The following CFAP299 variants were observed in gnomAD, a reference collection of about 807,000 sequenced individuals.
The protein encoded by CFAP299 is cilia- and flagella-associated protein 299.
In CFAP299, 21 loss-of-function variants were observed where a neutral mutation model predicts 27.0. That is an observed-to-expected ratio of 0.78 (90% CI 0.55 to 1.12). The LOEUF is 1.12. CFAP299 is among the 50% of genes most tolerant of loss of function. CFAP299 has a pLI of 0.00. For missense variants in CFAP299, 310 were observed against 276.6 expected, an observed-to-expected ratio of 1.12 and a Z score of -0.86; for synonymous variants, 104 against 98.1, an observed-to-expected ratio of 1.06 and a Z score of -0.36.
At chr4:80,937,291 C>CTTTTTTCTTTTTTT (rs1736940027) in intron 4 of CFAP299, among the ~76,000 whole-genome samples, 1 of 86,174 alleles carries the variant, frequency 1.2e-5, no homozygotes, top group Admixed American at 1.1e-4. Context: ...TATCATTTTT[C>CTTTTTTCTTTTTTT]TTTTTTCTTT....
intron 2 of CFAP299, among the ~76,000 whole-genome samples, chr4:80,365,176 G>T (rs1219039564): frequency 6.6e-6 from 1 of 151,928 alleles, no homozygotes; most frequent in Non-Finnish European, 1.5e-5. Context: ...TTGAAGAATT[G>T]GCAAACAATG....
chr4:80,701,001 GA>G (rs1721440666), intron 3 of CFAP299, among the ~76,000 whole-genome samples: 1 of 152,028 alleles, frequency 6.6e-6, no homozygotes, highest in African/African-American at 2.4e-5. Context: ...ATTGGTACTA[GA>G]AGAGAAAGCA....
At chr4:80,936,792 A>T (rs1346192232) in intron 4 of CFAP299, among the ~76,000 whole-genome samples, 1 of 152,144 alleles carries the variant, frequency 6.6e-6, no homozygotes, top group Non-Finnish European at 1.5e-5. Flanking sequence ...CTAAAATAAA[A>T]ATAAAAAAAT....
chr4:80,909,591 A>G (rs1735366569), intron 4 of CFAP299, among the ~76,000 whole-genome samples: 2 of 151,894 alleles, frequency 1.3e-5, no homozygotes, highest in South Asian at 4.1e-4. Context: ...TATTTTCTAA[A>G]CTTTCCTTTA....
chr4:80,496,356 C>A (rs1490879150), intron 2 of CFAP299, among the ~76,000 whole-genome samples: 1 of 152,206 alleles, frequency 6.6e-6, no homozygotes, highest in African/African-American at 2.4e-5. Context: ...GGTCATTGTT[C>A]TTAGGTTCAA....
At chr4:80,547,594 C>T (rs188655424) in intron 2 of CFAP299, among the ~76,000 whole-genome samples, 10 of 152,118 alleles carry the variant, frequency 6.6e-5, no homozygotes, top group South Asian at 4.1e-4. Flanking sequence ...AGACAGCCTA[C>T]GGAATGAGAG....
chr4:80,329,208 CATATAT>C, the CFAP299 span, among the ~76,000 whole-genome samples: 2 of 136,040 alleles, frequency 1.5e-5, no homozygotes, highest in African/African-American at 5.7e-5. Context: ...ACACTGTATA[CATATAT>C]ATATATATAT....
intron 2 of CFAP299, among the ~76,000 whole-genome samples, chr4:80,377,511 T>A (rs1372441392): frequency 6.6e-6 from 1 of 152,140 alleles, no homozygotes; most frequent in Non-Finnish European, 1.5e-5. Flanking sequence ...ACATTGCCTT[T>A]AAGTCTTAAA....
chr4:80,418,717 A>AT (rs1161249690), intron 2 of CFAP299, among the ~76,000 whole-genome samples: 2 of 152,180 alleles, frequency 1.3e-5, no homozygotes, highest in African/African-American at 2.4e-5. Context: ...ATTGTTTTAC[A>AT]TATCCCACAG....
chr4:80,355,929 G>A (rs963496751), intron 1 of CFAP299, among the ~76,000 whole-genome samples: 3 of 152,052 alleles, frequency 2.0e-5, no homozygotes, highest in African/African-American at 7.2e-5. Flanking sequence ...TGTCCTGAAT[G>A]GTATTGCCTA....
intron 3 of CFAP299, among the ~76,000 whole-genome samples, chr4:80,611,497 A>G (rs963277362): frequency 2.0e-5 from 3 of 152,046 alleles, no homozygotes; most frequent in African/African-American, 7.2e-5. Context: ...TATTTTTTCT[A>G]AGTTACACTC....
chr4:80,400,131 G>C (rs925637677), intron 2 of CFAP299, among the ~76,000 whole-genome samples: 2 of 152,116 alleles, frequency 1.3e-5, no homozygotes, highest in Non-Finnish European at 2.9e-5. Context: ...TGATATAGAT[G>C]CAATTAGATA....
At chr4:80,910,259 G>C (rs937581403) in intron 4 of CFAP299, among the ~76,000 whole-genome samples, 1 of 152,110 alleles carries the variant, frequency 6.6e-6, no homozygotes, top group East Asian at 1.9e-4. Flanking sequence ...AACCATTGTG[G>C]AAAAGAGTGT....
At chr4:80,359,972 G>C (rs1723461356) in intron 1 of CFAP299, among the ~76,000 whole-genome samples, 1 of 152,136 alleles carries the variant, frequency 6.6e-6, no homozygotes, top group South Asian at 2.1e-4. Flanking sequence ...TTCAATTTTT[G>C]AGGTTTCTGA....
At position 80,924,117 on chromosome 4, in the gene CFAP299, T is replaced by A. The variant is rs1210305312; in HGVS notation, c.477-20693T>A. Among the ~76,000 whole-genome samples, 3 of 152,068 alleles carry A rather than the reference T, an allele frequency of 2.0e-5. No homozygotes were observed. In the East Asian group the frequency reaches 5.8e-4, roughly 29 times the overall value. On this transcript the variant is annotated intron_variant, in intron 4 of 5. Coordinates refer to ENST00000358105, the MANE Select transcript of CFAP299 (RefSeq NM_152770.3). ...CATTTTGCTCTCTACTTTTGAATGT[T>A]TGAAATGTTCCATGAAACATTTTTT...
At position 80,954,039 on chromosome 4, in the gene CFAP299, A is replaced by G. The variant is rs78216168; in HGVS notation, c.606+9100A>G. On this transcript the variant is annotated intron_variant, in intron 5 of 5. Transcript: ENST00000358105. ...AGACACAGTTCACGCTCACTTTCTC[A>G]CAAAATGTATTACCTCAAATCAAGA... Among the ~76,000 whole-genome samples the G allele has an allele frequency of 4.9e-3, 746 of 152,328 alleles. 4 individuals carry two copies. The highest frequency in any genetic ancestry group is 8.0e-3 in the Non-Finnish European group (547 of 68,022).
chr4:80,466,734 A>G (rs528510971), intron 2 of CFAP299, among the ~76,000 whole-genome samples: 2 of 152,290 alleles, frequency 1.3e-5, no homozygotes, highest in African/African-American at 2.4e-5. Context: ...CTTAATCTGC[A>G]CAGGGCATAG....
At chr4:80,712,172 T>A (rs1377353199) in intron 3 of CFAP299, among the ~76,000 whole-genome samples, 1 of 152,134 alleles carries the variant, frequency 6.6e-6, no homozygotes, top group East Asian at 1.9e-4. Context: ...ACTAACAACA[T>A]GCTATGTTAT....
intron 3 of CFAP299, among the ~76,000 whole-genome samples, chr4:80,627,925 A>G (rs563932150): frequency 6.6e-6 from 1 of 152,252 alleles, no homozygotes; most frequent in Admixed American, 6.5e-5. Flanking sequence ...CAAGCTACAG[A>G]TTCAACAGAA....
Sources: gnomAD v4.1 joint callset for allele counts (sites outside exome capture counted in the v4.1 genomes callset) on GRCh38, gnomAD v4.1.1 for gene constraint, MANE v1.5 for transcripts, NCBI Gene and HGNC (gene_info 2026-07-23, HGNC 2026-07-21) for gene names.